The following DNAH14 variants were observed in gnomAD, a reference collection of about 807,000 sequenced individuals.
The protein encoded by DNAH14 is axonemal beta dynein heavy chain 14.
DNAH14 carries 478 observed loss-of-function variants against 520.9 expected under a neutral mutation model. That is an observed-to-expected ratio of 0.92 (90% CI 0.85 to 0.99). The LOEUF (loss-of-function observed/expected upper bound fraction) is 0.99. Ranked by LOEUF, DNAH14 falls within the 50% of genes least tolerant of loss-of-function variation. DNAH14 has a pLI of 0.00. For missense variants in DNAH14, 4,831 were observed against 5,234.5 expected, an observed-to-expected ratio of 0.92 and a Z score of 2.38; for synonymous variants, 1,581 against 1,757.2, an observed-to-expected ratio of 0.90 and a Z score of 2.51.
intron 35 of DNAH14, among the ~76,000 whole-genome samples, chr1:225,165,921 GTT>G (rs1326589152): frequency 2.0e-5 from 3 of 151,974 alleles, no homozygotes; most frequent in Non-Finnish European, 4.4e-5. Flanking sequence ...GCGATTTGAT[GTT>G]TTTTTCCTTG....
chr1:225,180,111 G>A (rs1184952487), intron 36 of DNAH14, among the ~76,000 whole-genome samples: 1 of 152,054 alleles, frequency 6.6e-6, no homozygotes, highest in Non-Finnish European at 1.5e-5. Context: ...AATCTGCTTG[G>A]TGATCTTTGA....
chr1:225,339,354 T>C (rs949968765), intron 68 of DNAH14, among the ~76,000 whole-genome samples: 10 of 152,032 alleles, frequency 6.6e-5, no homozygotes, highest in African/African-American at 2.4e-4. Context: ...AATAAAACAG[T>C]TTCCAAAGTA....
At chr1:224,953,065 A>C in intron 2 of DNAH14, 1 of 227,148 alleles carries the variant, frequency 4.4e-6, no homozygotes, top group Non-Finnish European at 8.7e-6. Flanking sequence ...GAGAAATCCT[A>C]GGAAAGCAAA....
intron 11 of DNAH14, among the ~76,000 whole-genome samples, chr1:225,035,112 T>A (rs1471434543): frequency 6.6e-6 from 1 of 152,096 alleles, no homozygotes; most frequent in Non-Finnish European, 1.5e-5. Context: ...ATTTTGGTTA[T>A]TTCTTGTCTT....
intron 51 of DNAH14, 86 bp downstream of exon 51, chr1:225,272,159 GA>G (rs35665007): frequency 8.6e-6 from 11 of 1,277,858 alleles, no homozygotes; most frequent in East Asian, 5.2e-5. Flanking sequence ...GTTAGAAGGG[GA>G]AAAAAGGGAA....
At chr1:224,965,189 G>A (rs192962483) in intron 5 of DNAH14, among the ~76,000 whole-genome samples, 81 of 152,148 alleles carry the variant, frequency 5.3e-4, no homozygotes, top group Non-Finnish European at 1.0e-3. Context: ...GGTGCTCTAA[G>A]ATTGAACAGG....
At chr1:225,343,338 A>T (rs769624542) in intron 69 of DNAH14, among the ~76,000 whole-genome samples, 14 of 152,214 alleles carry the variant, frequency 9.2e-5, no homozygotes, top group Non-Finnish European at 1.8e-4. Flanking sequence ...AGTTTGGGGA[A>T]ATGATTAAGA....
chr1:225,017,415 C>G (rs1178477143), intron 10 of DNAH14, among the ~76,000 whole-genome samples: 1 of 152,214 alleles, frequency 6.6e-6, no homozygotes, highest in Non-Finnish European at 1.5e-5. Flanking sequence ...TGCCAGCAGC[C>G]ACTGCCATTG....
Position 225,365,028 on chromosome 1 carries a change from T to TG in DNAH14, c.12090+135dup, listed in dbSNP as rs2095535922. ...ATTCTGAAATGCTAAATTTCTGCTT[T>TG]GTGCTCAACCCTATACTGGGGATGA... On this transcript the variant is annotated intron_variant, in intron 76 of 85. Coordinates refer to ENST00000682510, the MANE Select transcript of DNAH14 (RefSeq NM_001367479.1). 5 of 644,388 alleles carry TG rather than the reference T, an allele frequency of 7.8e-6. No homozygotes were observed. In the South Asian group the frequency reaches 1.3e-4, roughly 17 times the overall value. 39.9% of individuals were successfully genotyped at this position (644,388 alleles called of 1,614,324 possible).
intron 60 of DNAH14, among the ~76,000 whole-genome samples, chr1:225,309,868 G>A (rs1415300272): frequency 1.3e-5 from 2 of 152,050 alleles, no homozygotes; most frequent in Non-Finnish European, 1.5e-5. Flanking sequence ...ACTCCAGCCT[G>A]GTGAGAGAGC....
intron 25 of DNAH14, 80 bp from the exon 26 acceptor site, chr1:225,119,140 T>C: frequency 9.7e-7 from 1 of 1,035,442 alleles, no homozygotes; most frequent in East Asian, 2.9e-5. Flanking sequence ...GTAGAAAATT[T>C]AGTCTACAGG....
intron 36 of DNAH14, among the ~76,000 whole-genome samples, chr1:225,182,997 G>A (rs753114761): frequency 6.6e-6 from 1 of 152,212 alleles, no homozygotes; most frequent in Non-Finnish European, 1.5e-5. Flanking sequence ...GAGATCAGCT[G>A]CAGCAGCTAT....
rs559070977 is a variant in DNAH14 at position 224,997,706 on chromosome 1, T to C, written c.831-5077T>C. ...CCTGGAGATTGCTTCTTTGGAAGTT[T>C]TTAAATTATGAATTCAATTTTCTTT... On this transcript the variant is annotated intron_variant, in intron 8 of 85. Coordinates refer to ENST00000682510, the MANE Select transcript of DNAH14 (RefSeq NM_001367479.1). 1.5e-4 allele frequency among the ~76,000 whole-genome samples: 23 copies of C among 152,284 alleles called. No homozygotes were observed. The East Asian group carries it at 4.2e-3, about 28-fold the overall frequency.
Position 225,097,110 on chromosome 1 carries a change from C to A in DNAH14, c.3574-8C>A. On this transcript the variant is annotated splice_region_variant and splice_polypyrimidine_tract_variant and intron_variant, in intron 21 of 85. Transcript: ENST00000682510. ...GATTTGTATGTGTATATGTTTTTAT[C>A]ATTGTAGGATCTTGTGAATGAATGG... 6.5e-7 allele frequency: 1 copy of A among 1,536,064 alleles called. No individual in the cohort carries two copies. The highest frequency in any genetic ancestry group is 8.8e-7 in the Non-Finnish European group (1 of 1,139,614).
chr1:225,284,616 A>C (rs1267663766), intron 54 of DNAH14, among the ~76,000 whole-genome samples: 1 of 152,208 alleles, frequency 6.6e-6, no homozygotes, highest in Admixed American at 6.5e-5. Flanking sequence ...AGAAGAGGGA[A>C]TACTTCCCAA....
At chr1:225,126,444 A>G (rs988080164) in intron 27 of DNAH14, among the ~76,000 whole-genome samples, 4 of 152,120 alleles carry the variant, frequency 2.6e-5, no homozygotes, top group Non-Finnish European at 4.4e-5. Context: ...GGAAGAGTGT[A>G]TGTGTCGAGG....
intron 31 of DNAH14, 114 bp from the exon 32 acceptor site, chr1:225,151,891 G>A (rs376062541): frequency 1.1e-6 from 1 of 899,576 alleles, no homozygotes; most frequent in Admixed American, 2.0e-5. Flanking sequence ...AGTGTGCTCT[G>A]TTTGCATTTA....
At chr1:225,284,135 T>C (rs1031898243) in intron 54 of DNAH14, among the ~76,000 whole-genome samples, 13 of 151,680 alleles carry the variant, frequency 8.6e-5, no homozygotes, top group African/African-American at 3.1e-4. Context: ...AGCATGCAGA[T>C]GGAAGAAAAT....
chr1:225,281,645 G>A (rs1171250808), intron 54 of DNAH14, among the ~76,000 whole-genome samples: 1 of 152,038 alleles, frequency 6.6e-6, no homozygotes, highest in Non-Finnish European at 1.5e-5. Context: ...CAGATGAAAT[G>A]ATAATTCTAA....
Sources: allele counts gnomAD v4.1 joint callset (sites outside exome capture counted in the v4.1 genomes callset), GRCh38; gene constraint gnomAD v4.1.1; transcripts MANE v1.5; gene names NCBI Gene and HGNC (gene_info 2026-07-23, HGNC 2026-07-21).